Variants in ATF3 observed in about 807,000 individuals in gnomAD.
ATF3 encodes the protein activating transcription factor 3, also known as cyclic AMP-dependent transcription factor ATF-3.
ATF3 carries 10 observed loss-of-function variants against 18.4 expected under a neutral mutation model. The observed-to-expected ratio is 0.54, with a 90% CI of 0.34 to 0.92. ATF3 has a LOEUF of 0.92. Ranked by LOEUF, ATF3 falls within the 40% of genes least tolerant of loss-of-function variation. ATF3 has a pLI of 0.02. For synonymous variants in ATF3, 78 were observed against 87.9 expected, an observed-to-expected ratio of 0.89 and a Z score of 0.63; for missense variants, 183 against 222.3, an observed-to-expected ratio of 0.82 and a Z score of 1.12.
intron 1 of ATF3, among the ~76,000 whole-genome samples, chr1:212,571,810 C>T (rs1664488375): frequency 6.6e-6 from 1 of 151,326 alleles, no homozygotes; most frequent in South Asian, 2.1e-4. Context: ...CTCCCGGGTT[C>T]ACGCCATTCT....
Position 212,615,236 on chromosome 1 carries a change from T to A in ATF3, c.215T>A (p.Leu72His). ...LESVTVSDRP[L>H]GVSITKAEVA... ...TCAGTCACTGTCAGCGACAGACCCCTCGGGGTGTCCATCACAAAAGCCGAG... is the reference window on the plus strand; with the variant it reads ...TCAGTCACTGTCAGCGACAGACCCCACGGGGTGTCCATCACAAAAGCCGAG... The change falls in exon 2 of 4, where the codon CTC becomes CAC. Residue 72 changes from leucine (L) to histidine (H), a missense_variant. Physicochemically the swap from Leu to His is moderately conservative, Grantham distance 99. Coordinates refer to ENST00000341491, the MANE Select transcript of ATF3 (RefSeq NM_001674.4). 6.2e-7 allele frequency: 1 copy of A among 1,613,660 alleles called. No homozygotes were observed. The highest frequency in any genetic ancestry group is 8.5e-7 in the Non-Finnish European group (1 of 1,179,908).
intron 1 of ATF3, among the ~76,000 whole-genome samples, chr1:212,593,837 C>A (rs1450134351): frequency 6.7e-6 from 1 of 150,296 alleles, no homozygotes; most frequent in East Asian, 1.9e-4. Context: ...ATATCAGTCA[C>A]CATTCTTAGC....
upstream of ATF3, among the ~76,000 whole-genome samples, chr1:212,604,179 G>A (rs898138509): frequency 2.0e-5 from 3 of 152,140 alleles, no homozygotes; most frequent in African/African-American, 7.2e-5. Context: ...AATGCTAAGT[G>A]GTTACGTTTT....
At chr1:212,609,378 G>A (rs866218438) in intron 1 of ATF3, among the ~76,000 whole-genome samples, 24 of 145,728 alleles carry the variant, frequency 1.6e-4, no homozygotes, top group Admixed American at 4.7e-4. Flanking sequence ...TCCCGGGTGG[G>A]GGGGGGGGGG....
At chr1:212,611,232 A>C (rs1377305786) in intron 1 of ATF3, among the ~76,000 whole-genome samples, 1 of 152,236 alleles carries the variant, frequency 6.6e-6, no homozygotes, top group East Asian at 1.9e-4. Flanking sequence ...TGGTCTGTGA[A>C]GAACTTGGGG....
At chr1:212,580,717 G>A (rs55783950) in intron 1 of ATF3, among the ~76,000 whole-genome samples, 1 of 152,160 alleles carries the variant, frequency 6.6e-6, no homozygotes, top group African/African-American at 2.4e-5. Context: ...AATTTTCTGA[G>A]AAAATTGTGA....
At chr1:212,567,952 A>G (rs182988543) in intron 1 of ATF3, among the ~76,000 whole-genome samples, 148 of 152,398 alleles carry the variant, frequency 9.7e-4, no homozygotes, top group Middle Eastern at 3.4e-3. Flanking sequence ...TCCTCATCTC[A>G]TAATGAGAAT....
intron 1 of ATF3, among the ~76,000 whole-genome samples, chr1:212,567,017 G>GT (rs1355543354): frequency 2.0e-5 from 3 of 152,108 alleles, no homozygotes; most frequent in Admixed American, 2.0e-4. Context: ...TTAACCTAGG[G>GT]GTAGCGATTT....
chr1:212,593,358 T>C (rs1664925565), intron 1 of ATF3, among the ~76,000 whole-genome samples: 2 of 150,928 alleles, frequency 1.3e-5, no homozygotes, highest in African/African-American at 4.9e-5. Context: ...AGTTAATGGG[T>C]GCAGCACATC....
chr1:212,566,736 G>A, intron 1 of ATF3, among the ~76,000 whole-genome samples: 1 of 152,208 alleles, frequency 6.6e-6, no homozygotes, highest in East Asian at 1.9e-4. Flanking sequence ...AGGGGGTCAT[G>A]CTGCTGGAGC....
chr1:212,582,718 C>A (rs1184059424), intron 1 of ATF3, among the ~76,000 whole-genome samples: 1 of 152,110 alleles, frequency 6.6e-6, no homozygotes, highest in Non-Finnish European at 1.5e-5. Flanking sequence ...ACTTTTAAAC[C>A]AGAGACTGAG....
In ATF3 at chr1:212,584,714, C is replaced by G. The variant is rs143700489; in HGVS notation, c.-5+19231C>G. 3.2e-4 allele frequency among the ~76,000 whole-genome samples: 49 copies of G among 152,338 alleles called. 1 individual carries two copies. The East Asian group carries it at 8.3e-3, about 26-fold the overall frequency. On this transcript the variant is annotated intron_variant, in intron 1 of 3. Transcript: ENST00000366981. ...ATAACTGGGCACCCCATGGCCCAGT[C>G]AAGCTGACACATAAAATTCATCATC...
In ATF3 at chr1:212,620,071, G is replaced by C. The variant is rs1030028740; in HGVS notation, c.*516G>C. 1 of 182,644 alleles carries C rather than the reference G, an allele frequency of 5.5e-6. No homozygotes were observed. Among genetic ancestry groups the C allele is most frequent in the Non-Finnish European group, 1.2e-5 (1 of 85,426 alleles). The allele number at this position is 182,644 out of a possible 1,614,324, so 11.3% of individuals were successfully genotyped here. The stretch of plus-strand genomic sequence containing the variant: ...AGAAATTGTGTGTGCAAGAAAACTA[G>C]GCAATGTACTCTTCCGATGTTTGTG... On this transcript the variant is annotated 3_prime_UTR_variant, in exon 4 of 4. Coordinates refer to ENST00000341491, the MANE Select transcript of ATF3 (RefSeq NM_001674.4).
At chr1:212,605,235 A>G (rs1001944684), upstream of ATF3, among the ~76,000 whole-genome samples, 2 of 152,224 alleles carry the variant, frequency 1.3e-5, no homozygotes, top group African/African-American at 4.8e-5. Context: ...CACAGCATCT[A>G]AGTGCTGAAT....
rs764027406 is a variant in ATF3, at chr1:212,615,274, A to ACAGGTATTCATTCTTTCGGCC, written c.240+33_240+34insCCAGGTATTCATTCTTTCGGC. ...CACAAAAGCCGAGGTGGGTTCTATC[A>ACAGGTATTCATTCTTTCGGCC]CAGGTATTCATTCTTTCGGCACATG... On this transcript the variant is annotated intron_variant, in intron 2 of 3. Transcript: ENST00000341491. 1.9e-6 allele frequency: 3 copies of ACAGGTATTCATTCTTTCGGCC among 1,612,958 alleles called. No homozygotes were observed. The African/African-American group carries it at 4.0e-5, about 22-fold the overall frequency.
intron 2 of ATF3, among the ~76,000 whole-genome samples, chr1:212,616,099 G>A (rs777413327): frequency 2.6e-5 from 4 of 151,926 alleles, no homozygotes; most frequent in Non-Finnish European, 4.4e-5. Context: ...GCACTGAGGT[G>A]GAAGTATTGG....
intron 1 of ATF3, among the ~76,000 whole-genome samples, chr1:212,601,391 C>T (rs1383887383): frequency 6.6e-6 from 1 of 152,194 alleles, no homozygotes; most frequent in Non-Finnish European, 1.5e-5. Flanking sequence ...TCTGTGCATT[C>T]AGCAAGACTT....
intron 1 of ATF3, among the ~76,000 whole-genome samples, chr1:212,571,947 C>T (rs1476069997): frequency 2.4e-5 from 3 of 125,198 alleles, no homozygotes; most frequent in Non-Finnish European, 3.6e-5. Flanking sequence ...TTCCTGACCT[C>T]GTGATCCGCC....
At chr1:212,594,403 CAAACAAACAAAAAAGA>C (rs1201108205) in intron 1 of ATF3, among the ~76,000 whole-genome samples, 15 of 82,278 alleles carry the variant, frequency 1.8e-4, no homozygotes, top group African/African-American at 1.0e-3. Context: ...ATGAATGAAA[CAAACAAACAAAAAAGA>C]AAACAAAAAA....
Sources: gnomAD v4.1 joint callset for allele counts (sites outside exome capture counted in the v4.1 genomes callset) on GRCh38, gnomAD v4.1.1 for gene constraint, MANE v1.5 for transcripts, NCBI Gene and HGNC (gene_info 2026-07-23, HGNC 2026-07-21) for gene names.